Variants in FLAD1 observed in about 807,000 individuals in gnomAD.
FLAD1 encodes the protein flavin adenine dinucleotide synthetase 1, also known as bifunctional FAD diphosphatase/FAD synthase.
In FLAD1, 35 loss-of-function variants were observed where a neutral mutation model predicts 55.0. The ratio of observed to expected loss-of-function variants is 0.64; its 90% confidence interval spans 0.49 to 0.84. The LOEUF (loss-of-function observed/expected upper bound fraction) is 0.84, where lower values mean the gene tolerates loss of function less well. FLAD1 is among the 40% of genes least tolerant of loss of function. The pLI, the probability that FLAD1 is intolerant of heterozygous loss-of-function variation, is 0.00. For missense variants in FLAD1, 665 were observed against 742.6 expected, an observed-to-expected ratio of 0.90 and a Z score of 1.21; for synonymous variants, 267 against 303.0, an observed-to-expected ratio of 0.88 and a Z score of 1.23.
At chr1:154,984,870 T>C (rs868300683) in intron 1 of FLAD1, among the ~76,000 whole-genome samples, 4 of 151,560 alleles carry the variant, frequency 2.6e-5, no homozygotes, top group Non-Finnish European at 5.9e-5. Flanking sequence ...ATGACACGGG[T>C]TTTTTTGTTT....
At chr1:154,988,030 A>T (rs576901302) in intron 1 of FLAD1, 75 bp from the exon 2 acceptor site, 2 of 1,610,436 alleles carry the variant, frequency 1.2e-6, no homozygotes, top group Non-Finnish European at 1.7e-6. Context: ...CATCAGGTGG[A>T]TGCAGCCATC....
intron 5 of FLAD1, 134 bp downstream of exon 5, chr1:154,990,662 T>A (rs1571488919): frequency 3.6e-6 from 3 of 822,358 alleles, no homozygotes; most frequent in Non-Finnish European, 5.4e-6. Context: ...AGGGAGGCAG[T>A]GCTATCTGTT....
chr1:154,990,616 G>A, intron 5 of FLAD1, 88 bp downstream of exon 5: 1 of 1,324,786 alleles, frequency 7.5e-7, no homozygotes, highest in East Asian at 2.5e-5. Flanking sequence ...GGGGAGGCTA[G>A]AGCCTGGAAC....
At position 154,988,102 on chromosome 1, in the gene FLAD1, C is replaced by G. The variant is rs375023842; in HGVS notation, c.373-3C>G. 2.5e-6 allele frequency: 4 copies of G among 1,614,200 alleles called. No individual in the cohort carries two copies. The highest frequency in any genetic ancestry group is 2.5e-6 in the Non-Finnish European group (3 of 1,180,032). ...TGGCCTCATCTTCCCCTTCAACCCC[C>G]AGGGACACACTCAGGACACCAACAC... On this transcript the variant is annotated splice_polypyrimidine_tract_variant and splice_region_variant and intron_variant, in intron 1 of 6. Coordinates refer to ENST00000292180, the MANE Select transcript of FLAD1 (RefSeq NM_025207.5).
At chr1:154,989,764 A>C (rs777240008) in intron 3 of FLAD1, 57 bp downstream of exon 3, 149 of 1,468,264 alleles carry the variant, frequency 1.0e-4, no homozygotes, top group Non-Finnish European at 1.2e-4. Context: ...TCCACATCCC[A>C]GAAAGCAAGG....
chr1:154,992,448 A>C, intron 5 of FLAD1: 1 of 951,686 alleles, frequency 1.1e-6, no homozygotes, highest in Non-Finnish European at 1.5e-6. Context: ...GTCTCAAAAA[A>C]AAAATAGACG....
At chr1:154,984,116 A>G (rs1657455749) in intron 1 of FLAD1, 50 bp downstream of exon 1, 1 of 1,429,914 alleles carries the variant, frequency 7.0e-7, no homozygotes, top group Admixed American at 2.6e-5. Context: ...TCCTGTCCTT[A>G]AGGGCCTGCT....
intron 4 of FLAD1, 33 bp downstream of exon 4, chr1:154,990,290 G>A (rs763690147): frequency 6.2e-7 from 1 of 1,613,264 alleles, no homozygotes; most frequent in South Asian, 1.1e-5. Context: ...GGCTCCAAGA[G>A]AAGCTTGACA....
chr1:154,984,805 GA>G (rs369982504), intron 1 of FLAD1, among the ~76,000 whole-genome samples: 1 of 151,680 alleles, frequency 6.6e-6, no homozygotes, highest in South Asian at 2.1e-4. Context: ...GAAGGTACTA[GA>G]AGGGATGAAT....
At chr1:154,989,811 T>C (rs1657784952) in intron 3 of FLAD1, 104 bp downstream of exon 3, 3 of 1,271,104 alleles carry the variant, frequency 2.4e-6, no homozygotes, top group Middle Eastern at 5.6e-4. Context: ...AAGAGGGAGA[T>C]AGTCATGGTG....
At chr1:154,986,000 C>T (rs1024099079) in intron 1 of FLAD1, among the ~76,000 whole-genome samples, 17 of 149,978 alleles carry the variant, frequency 1.1e-4, no homozygotes, top group Admixed American at 1.0e-3. Context: ...TGCTGGGAGG[C>T]ATGAGCCACT....
chr1:154,984,575 G>A (rs1232836884), intron 1 of FLAD1, among the ~76,000 whole-genome samples: 3 of 152,028 alleles, frequency 2.0e-5, no homozygotes, highest in East Asian at 3.9e-4. Context: ...AGGCGTGGTG[G>A]TGCATGCCTG....
At chr1:154,985,031 A>ATTTTTTT (rs749772991) in intron 1 of FLAD1, among the ~76,000 whole-genome samples, 5 of 32,586 alleles carry the variant, frequency 1.5e-4, no homozygotes, top group Admixed American at 5.2e-4. Context: ...CACCTGGCTA[A>ATTTTTTT]TTTTTTTTTT....
chr1:154,988,519 CG>C lies in FLAD1; in HGVS notation c.790del (p.Val264CysfsTer5), dbSNP rs1558075099. ...CCCAGGCATTCCAGAGCTGCTGCGGCGGGTGCTGGAGGGGATGAAGGGACTA... is the reference window on the plus strand; with the variant it reads ...CCCAGGCATTCCAGAGCTGCTGCGGCGGTGCTGGAGGGGATGAAGGGACTA... ...LFPGIPELLR[R>X]VLEGMKGLFQ... On this transcript the variant is annotated frameshift_variant, in exon 2 of 7. Coordinates refer to ENST00000292180, the MANE Select transcript of FLAD1 (RefSeq NM_025207.5). LOFTEE classifies it high-confidence loss of function. 1.2e-6 allele frequency: 2 copies of C among 1,614,226 alleles called. No homozygotes were observed. Among genetic ancestry groups the C allele is most frequent in the South Asian group, 2.2e-5 (2 of 91,086 alleles).
Position 154,988,541 on chromosome 1 carries a change from G to A in FLAD1, c.809G>A (p.Gly270Glu), listed in dbSNP as rs751193452. 67 of 1,614,112 alleles carry A rather than the reference G, an allele frequency of 4.2e-5. No individual in the cohort carries two copies. The highest frequency in any genetic ancestry group is 5.2e-5 in the Non-Finnish European group (61 of 1,180,054). ...CGGCGGGTGCTGGAGGGGATGAAGG[G>A]ACTATTCCAAAACCCAGCTGTTCAG... The part of the protein sequence containing the change: ...LLRRVLEGMK[G>E]LFQNPAVQFH... Residue 270 changes from glycine to glutamate, a missense_variant, in exon 2 of 7, where the codon GGA (glycine) becomes GAA (glutamate). Gly to Glu is a moderately conservative substitution (Grantham distance 98). Transcript: ENST00000292180.
intron 2 of FLAD1, 90 bp downstream of exon 2, chr1:154,988,939 G>C (rs577061107): frequency 5.7e-6 from 9 of 1,576,430 alleles, no homozygotes; most frequent in African/African-American, 2.7e-5. Context: ...GGTGCTTCCT[G>C]CAAATCCCTG....
intron 1 of FLAD1, among the ~76,000 whole-genome samples, chr1:154,986,889 C>T (rs1324642753): frequency 6.6e-6 from 1 of 151,880 alleles, no homozygotes; most frequent in Non-Finnish European, 1.5e-5. Context: ...TGAGCCACCA[C>T]ACCTGGTCGG....
chr1:154,984,069 G>A lies in FLAD1; in HGVS notation c.372+3G>A. The A allele has an allele frequency of 6.6e-7, 1 of 1,505,144 alleles. No individual in the cohort carries two copies. Among genetic ancestry groups the A allele is most frequent in the South Asian group, 1.4e-5 (1 of 72,820 alleles). 93.2% of individuals were successfully genotyped at this position (1,505,144 alleles called of 1,614,324 possible). ...TTGTTGGAGATGAGATCCTTAAGGT[G>A]TGTCTGGGACAGAAAAGGGGGGAGG... On this transcript the variant is annotated splice_donor_region_variant and intron_variant, in intron 1 of 6. Coordinates refer to ENST00000292180, the MANE Select transcript of FLAD1 (RefSeq NM_025207.5).
In FLAD1 at chr1:154,988,985, C is replaced by T. The variant is rs908060836; in HGVS notation, c.1117+136C>T. ...AGATAGCTTCTGTTAATTCATTATTCTTCCAATAAATGTTGATTGAGTACC... is the reference window on the plus strand; with the variant it reads ...AGATAGCTTCTGTTAATTCATTATTTTTCCAATAAATGTTGATTGAGTACC... On this transcript the variant is annotated intron_variant, in intron 2 of 6. Coordinates refer to ENST00000292180, the MANE Select transcript of FLAD1 (RefSeq NM_025207.5). 4.7e-6 allele frequency: 7 copies of T among 1,492,238 alleles called. No homozygotes were observed. The South Asian group carries it at 9.3e-5, about 20-fold the overall frequency. The allele number at this position is 1,492,238 out of a possible 1,614,324, so 92.4% of individuals were successfully genotyped here. A position where few individuals can be genotyped will look rare whatever the true frequency, so the allele number is the denominator to read the frequency against.
Sources: gnomAD v4.1 joint callset for allele counts (sites outside exome capture counted in the v4.1 genomes callset) on GRCh38, gnomAD v4.1.1 for gene constraint, MANE v1.5 for transcripts, NCBI Gene and HGNC (gene_info 2026-07-23, HGNC 2026-07-21) for gene names.